KATNAL2: variants seen among roughly 807,000 people sequenced by gnomAD.
The protein encoded by KATNAL2 is katanin p60 ATPase-containing subunit A-like 2.
KATNAL2 carries 52 observed loss-of-function variants against 76.3 expected under a neutral mutation model. That is an observed-to-expected ratio of 0.68 (90% confidence interval 0.55 to 0.86). The LOEUF is 0.86. Among genes scored for constraint, KATNAL2 ranks in the 40% least tolerant of loss-of-function variants. The pLI is 0.00. For missense variants in KATNAL2, 660 were observed against 668.9 expected (o/e 0.99, Z 0.15); for synonymous variants, 243 against 244.2 (o/e 1.00, Z 0.05).
chr18:47,070,813 ATTC>A (rs1320667182), intron 13 of KATNAL2, among the ~76,000 whole-genome samples: 3 of 152,098 alleles, frequency 2.0e-5, no homozygotes, highest in Non-Finnish European at 4.4e-5. Context: ...GCTTATGTAA[ATTC>A]TTGTTACCCA....
chr18:47,099,346 G>A lies in KATNAL2; in HGVS notation c.1315G>A (p.Val439Met). Reference sequence around the variant, plus strand: ...CATGATCTACCACTGGCTGCCTCCTGTGAGCAAGAGCAGGGCCTTGGAGCT... The same window carrying A: ...CATGATCTACCACTGGCTGCCTCCTATGAGCAAGAGCAGGGCCTTGGAGCT... ...QAMIYHWLPP[V>M]SKSRALELHT... The change falls in exon 16 of 18, where the codon GTG (valine) becomes ATG (methionine). Residue 439 changes from valine (V) to methionine (M), a missense_variant. Transcript: ENST00000683218. 1 of 1,614,140 alleles carries A rather than the reference G, an allele frequency of 6.2e-7. No homozygotes were observed.
At chr18:46,962,093 C>T (rs2059993773) in intron 3 of KATNAL2, among the ~76,000 whole-genome samples, 1 of 152,146 alleles carries the variant, frequency 6.6e-6, no homozygotes, top group Non-Finnish European at 1.5e-5. Context: ...TTTTCAGCCA[C>T]TTGAGCAAAT....
At position 47,053,040 on chromosome 18, in the gene KATNAL2, G is replaced by C. The variant is rs373378602; in HGVS notation, c.283G>C (p.Asp95His). The change falls in exon 5 of 18, where the codon GAC becomes CAC. Residue 95 changes from aspartate to histidine, a missense_variant. Physicochemically the swap from Asp to His is moderately conservative, Grantham distance 81 (BLOSUM62 -1). Transcript: ENST00000683218. ...CCCCAAAATTGTCAAAAAGTCATCA[G>C]ACACAGGTACATGCCTATTTTCTAG... The part of the protein sequence containing the change: ...KYPKIVKKSS[D>H]TAENNLPQRS... 2.5e-6 allele frequency: 4 copies of C among 1,598,320 alleles called. No individual in the cohort carries two copies. In the Admixed American group the frequency reaches 6.9e-5, roughly 28 times the overall value.
chr18:47,034,042 C>G (rs755364092), intron 3 of KATNAL2: 39 of 1,614,102 alleles, frequency 2.4e-5, no homozygotes, highest in Non-Finnish European at 3.1e-5. Context: ...TTGTTTATCT[C>G]CAAGTGCAGT....
At chr18:47,096,561 G>A (rs749497463) in intron 15 of KATNAL2, among the ~76,000 whole-genome samples, 2 of 152,050 alleles carry the variant, frequency 1.3e-5, no homozygotes, top group Non-Finnish European at 2.9e-5. Context: ...CATAGTCAGC[G>A]AATCTTCTAC....
chr18:47,062,928 T>A, intron 8 of KATNAL2, 44 bp from the exon 9 acceptor site: 1 of 1,464,278 alleles, frequency 6.8e-7, no homozygotes, highest in Non-Finnish European at 9.6e-7. Flanking sequence ...AGAAGAGTCT[T>A]CTCTTATGTT....
intron 1 of KATNAL2, among the ~76,000 whole-genome samples, chr18:46,918,510 A>G (rs1442194532): frequency 6.6e-6 from 1 of 152,048 alleles, no homozygotes; most frequent in Non-Finnish European, 1.5e-5. Flanking sequence ...GCTGGAGTGC[A>G]ATGGCACGAT....
chr18:47,093,553 A>G (rs944957430), intron 15 of KATNAL2, among the ~76,000 whole-genome samples: 1 of 151,552 alleles, frequency 6.6e-6, no homozygotes, highest in Admixed American at 6.6e-5. Flanking sequence ...TTTAATTGAG[A>G]CAGGGCCTGG....
At chr18:47,034,298 G>A (rs762067131) in intron 3 of KATNAL2, 8 of 1,613,368 alleles carry the variant, frequency 5.0e-6, no homozygotes, top group Non-Finnish European at 6.8e-6. Context: ...CCTGGGTCCC[G>A]GCCGTCTAGA....
intron 3 of KATNAL2, among the ~76,000 whole-genome samples, chr18:46,961,346 A>T (rs1346304295): frequency 6.6e-6 from 1 of 152,188 alleles, no homozygotes; most frequent in Non-Finnish European, 1.5e-5. Flanking sequence ...TCCCCTGTAG[A>T]GAATCTCACT....
intron 5 of KATNAL2, 50 bp from the exon 6 acceptor site, chr18:47,054,346 G>T: frequency 6.6e-7 from 1 of 1,517,986 alleles, no homozygotes. Context: ...AAATCACTTT[G>T]TCACTCTTAA....
At chr18:47,088,796 T>C (rs1474880879) in intron 15 of KATNAL2, among the ~76,000 whole-genome samples, 1 of 152,234 alleles carries the variant, frequency 6.6e-6, no homozygotes. Flanking sequence ...GATTCTTGCA[T>C]GGGTCCCTCC....
chr18:47,092,648 T>C (rs563221815), intron 15 of KATNAL2, among the ~76,000 whole-genome samples: 2 of 152,358 alleles, frequency 1.3e-5, no homozygotes, highest in African/African-American at 4.8e-5. Context: ...TTTCATCTCC[T>C]TGGAGAGAAG....
At chr18:46,947,463 A>G (rs954351817) in intron 3 of KATNAL2, among the ~76,000 whole-genome samples, 3 of 152,058 alleles carry the variant, frequency 2.0e-5, no homozygotes, top group African/African-American at 7.2e-5. Flanking sequence ...ACAATACATT[A>G]AGTGGTTTAC....
intron 3 of KATNAL2, chr18:47,034,426 T>C: frequency 6.2e-7 from 1 of 1,614,100 alleles, no homozygotes; most frequent in South Asian, 1.1e-5. Flanking sequence ...CTTGTCTGTC[T>C]TGAAGTCCGA....
chr18:46,960,814 A>G (rs1402506081), intron 3 of KATNAL2, among the ~76,000 whole-genome samples: 2 of 152,238 alleles, frequency 1.3e-5, no homozygotes, highest in African/African-American at 4.8e-5. Flanking sequence ...TGATATGAAG[A>G]AACTGATTTG....
At chr18:47,099,900 T>C (rs1392349764) in intron 16 of KATNAL2, among the ~76,000 whole-genome samples, 2 of 152,194 alleles carry the variant, frequency 1.3e-5, no homozygotes, top group African/African-American at 4.8e-5. Flanking sequence ...GGTTCCTAAA[T>C]GGCAGGTATG....
rs148791504 is a variant in KATNAL2, at chr18:47,058,287, C to A, written c.385C>A (p.Arg129=). 6.2e-7 allele frequency: 1 copy of A among 1,613,984 alleles called. No homozygotes were observed. Among genetic ancestry groups the A allele is most frequent in the Non-Finnish European group, 8.5e-7 (1 of 1,179,906 alleles). ...TCCCAAGATCAATCAGCAGAGGCCC[C>A]GGTCCAAAACCACAGCGGGGAAGAC... The part of the protein sequence containing the change: ...NLPKINQQRP[R]SKTTAGKTGD... Residue 129 remains arginine (R), a synonymous_variant, in exon 7 of 18, where the codon CGG becomes AGG. Transcript: ENST00000683218.
intron 8 of KATNAL2, among the ~76,000 whole-genome samples, chr18:47,060,496 C>A (rs1393859202): frequency 1.3e-5 from 2 of 152,148 alleles, no homozygotes; most frequent in African/African-American, 2.4e-5. Context: ...ATAATAATGT[C>A]TTAAGCAGAA....
Sources: gnomAD v4.1 joint callset for allele counts (sites outside exome capture counted in the v4.1 genomes callset) on GRCh38, gnomAD v4.1.1 for gene constraint, MANE v1.5 for transcripts, NCBI Gene and HGNC (gene_info 2026-07-23, HGNC 2026-07-21) for gene names.